Variants in FBXO34 observed in about 807,000 individuals in gnomAD.
FBXO34 encodes the protein F-box protein 34.
FBXO34 carries 12 observed loss-of-function variants against 24.5 expected under a neutral mutation model. That is an observed-to-expected ratio of 0.49 (90% CI 0.31 to 0.79). The LOEUF (loss-of-function observed/expected upper bound fraction) is 0.79, where lower values mean the gene tolerates loss of function less well. FBXO34 is among the 30% of genes least tolerant of loss of function. The probability of loss-of-function intolerance (pLI) is 0.04; values close to 1 mark genes in which losing one functional copy is unlikely to be tolerated. For synonymous variants in FBXO34, 320 were observed against 311.9 expected (o/e 1.03, Z -0.27); for missense variants, 823 against 857.7 (o/e 0.96, Z 0.51).
At chr14:55,334,974 G>A (rs887991164) in intron 1 of FBXO34, among the ~76,000 whole-genome samples, 7 of 152,154 alleles carry the variant, frequency 4.6e-5, no homozygotes, top group African/African-American at 1.4e-4. Context: ...GGGGAATAGG[G>A]TTTATGAAAT....
the FBXO34 span, chr14:55,440,694 T>C: frequency 4.4e-6 from 4 of 914,722 alleles, no homozygotes; most frequent in Non-Finnish European, 6.3e-6. Context: ...GGGCTAGGGG[T>C]GGGCCGGAGA....
At chr14:55,281,991 C>CTTTTTTTTT (rs372305828) in intron 1 of FBXO34, among the ~76,000 whole-genome samples, 56 of 65,130 alleles carry the variant, frequency 8.6e-4, no homozygotes, top group African/African-American at 3.1e-3. Context: ...TTAAATTTAG[C>CTTTTTTTTT]TTTTTTTTTT....
intron 1 of FBXO34, among the ~76,000 whole-genome samples, chr14:55,307,592 A>G (rs1291628054): frequency 6.6e-6 from 1 of 152,256 alleles, no homozygotes; most frequent in Non-Finnish European, 1.5e-5. Flanking sequence ...CAAGGTAGAA[A>G]GAATGGCTGG....
At chr14:55,294,682 C>G (rs1258239411) in intron 1 of FBXO34, among the ~76,000 whole-genome samples, 1 of 152,056 alleles carries the variant, frequency 6.6e-6, no homozygotes, top group Non-Finnish European at 1.5e-5. Flanking sequence ...TAAAATTTTG[C>G]TTTTGGAGAC....
At chr14:55,429,466 T>A in the FBXO34 span, among the ~76,000 whole-genome samples, 1 of 152,174 alleles carries the variant, frequency 6.6e-6, no homozygotes, top group Non-Finnish European at 1.5e-5. Context: ...GTATGTCCCA[T>A]TTAGAAGAGA....
intron 1 of FBXO34, among the ~76,000 whole-genome samples, chr14:55,311,501 T>G (rs1255227123): frequency 6.6e-6 from 1 of 152,124 alleles, no homozygotes; most frequent in Non-Finnish European, 1.5e-5. Flanking sequence ...CAGCATTAAC[T>G]CTAAAGTCCA....
the FBXO34 span, among the ~76,000 whole-genome samples, chr14:55,389,911 A>C: frequency 1.3e-5 from 2 of 152,214 alleles, no homozygotes; most frequent in Non-Finnish European, 2.9e-5. Flanking sequence ...AAAGTGTACA[A>C]ATATGATGTA....
chr14:55,297,067 G>T (rs548400475), intron 1 of FBXO34, among the ~76,000 whole-genome samples: 2 of 152,196 alleles, frequency 1.3e-5, no homozygotes, highest in East Asian at 1.9e-4. Flanking sequence ...CCCCTTGACC[G>T]GCGTCATTTT....
intron 1 of FBXO34, among the ~76,000 whole-genome samples, chr14:55,331,560 TACAC>T (rs1555338486): frequency 2.1e-5 from 3 of 142,678 alleles, no homozygotes; most frequent in South Asian, 2.2e-4. Flanking sequence ...TATATATATA[TACAC>T]ACACACACAT....
chr14:55,433,735 C>A, the FBXO34 span: 1 of 1,611,800 alleles, frequency 6.2e-7, no homozygotes, highest in Non-Finnish European at 8.5e-7. Context: ...TACCCAGAAA[C>A]CAAAAGAGAA....
At chr14:55,337,352 T>C (rs1830884675) in intron 1 of FBXO34, among the ~76,000 whole-genome samples, 1 of 152,236 alleles carries the variant, frequency 6.6e-6, no homozygotes, top group Admixed American at 6.5e-5. Context: ...TTTTTGTAAA[T>C]AAATCCGTTA....
intron 1 of FBXO34, among the ~76,000 whole-genome samples, chr14:55,310,924 G>A (rs1882715712): frequency 2.0e-5 from 3 of 151,040 alleles, no homozygotes; most frequent in South Asian, 4.2e-4. Flanking sequence ...AGCTACATAA[G>A]AGTCAACCTA....
downstream of FBXO34, chr14:55,370,050 A>C: frequency 1.2e-6 from 1 of 855,716 alleles, no homozygotes; most frequent in Non-Finnish European, 1.7e-6. Flanking sequence ...TCATTCCCCA[A>C]GTCTATGCAG....
the FBXO34 span, chr14:55,440,692 G>T: frequency 1.1e-6 from 1 of 941,730 alleles, no homozygotes; most frequent in Non-Finnish European, 1.5e-6. Flanking sequence ...ATGGGCTAGG[G>T]GTGGGCCGGA....
intron 1 of FBXO34, among the ~76,000 whole-genome samples, chr14:55,300,683 A>G (rs1038074476): frequency 6.6e-6 from 1 of 152,106 alleles, no homozygotes; most frequent in African/African-American, 2.4e-5. Flanking sequence ...ACACGTTCTT[A>G]TGTCCTGTAT....
intron 1 of FBXO34, among the ~76,000 whole-genome samples, chr14:55,286,001 T>C (rs1393417283): frequency 6.6e-6 from 1 of 152,256 alleles, no homozygotes; most frequent in East Asian, 1.9e-4. Context: ...TTCGTTAGAA[T>C]TGAATTTGAG....
chr14:55,338,945 C>A (rs1376884655), intron 1 of FBXO34, among the ~76,000 whole-genome samples: 18 of 150,336 alleles, frequency 1.2e-4, no homozygotes, highest in Admixed American at 8.6e-4. Context: ...CCAAAAAAAA[C>A]CCCCCAAAAA....
the FBXO34 span, chr14:55,440,276 G>T: frequency 1.6e-6 from 2 of 1,283,930 alleles, no homozygotes; most frequent in South Asian, 1.4e-5. Context: ...TTAATGACTT[G>T]GGAAACCAAG....
chr14:55,397,353 GACAAA>G, the FBXO34 span: 391 of 1,608,078 alleles, frequency 2.4e-4, 3 homozygotes, highest in South Asian at 1.7e-3. Context: ...CAAATTAAAA[GACAAA>G]ACAAAACACT....
Sources: gnomAD v4.1 joint callset for allele counts (sites outside exome capture counted in the v4.1 genomes callset) on GRCh38, gnomAD v4.1.1 for gene constraint, MANE v1.5 for transcripts, NCBI Gene and HGNC (gene_info 2026-07-23, HGNC 2026-07-21) for gene names.